The following KATNAL1 variants were observed in gnomAD, a reference collection of about 807,000 sequenced individuals.
KATNAL1 encodes katanin p60 ATPase-containing subunit A-like 1.
A neutral mutation model predicts 55.2 loss-of-function variants in KATNAL1; 32 were observed. The ratio of observed to expected loss-of-function variants is 0.58; its 90% CI spans 0.44 to 0.78. The LOEUF is 0.78. Ranked by LOEUF, KATNAL1 falls within the 30% of genes least tolerant of loss-of-function variation. The pLI is 0.00. For missense variants in KATNAL1, 466 were observed against 600.9 expected (o/e 0.78, Z 2.35); for synonymous variants, 193 against 193.6 (o/e 1.00, Z 0.02).
At chr13:30,262,939 T>A (rs1879431113) in intron 3 of KATNAL1, among the ~76,000 whole-genome samples, 2 of 152,164 alleles carry the variant, frequency 1.3e-5, no homozygotes, top group African/African-American at 4.8e-5. Context: ...CAGACCAATA[T>A]CCTTGATGAA....
At position 30,255,620 on chromosome 13, in the gene KATNAL1, C is replaced by CAAAAA. The variant is rs11348486; in HGVS notation, c.324-10_324-6dup. The CAAAAA allele has an allele frequency of 1.6e-5, 17 of 1,084,010 alleles. No individual in the cohort carries two copies. The highest frequency in any genetic ancestry group is 7.8e-5 in the African/African-American group (4 of 50,982). 67.1% of individuals were successfully genotyped at this position (1,084,010 alleles called of 1,614,324 possible). A position where few individuals can be genotyped will look rare whatever the true frequency, so the allele number is the denominator to read the frequency against. On this transcript the variant is annotated splice_polypyrimidine_tract_variant and splice_region_variant and intron_variant, in intron 3 of 10. Coordinates refer to ENST00000380615, the MANE Select transcript of KATNAL1 (RefSeq NM_032116.5). ...CGCCTGATCTGAGGTGGAGCTCTGA[C>CAAAAA]AAAAAAAAAAAAAAAAAAATTAAAA...
At chr13:30,267,536 TGAA>T (rs773094565) in intron 3 of KATNAL1, among the ~76,000 whole-genome samples, 5 of 152,214 alleles carry the variant, frequency 3.3e-5, no homozygotes, top group Admixed American at 6.5e-5. Context: ...AAAGCCTTGC[TGAA>T]GAAGAGTCCT....
intron 3 of KATNAL1, among the ~76,000 whole-genome samples, chr13:30,278,646 T>C (rs951589354): frequency 3.3e-5 from 5 of 152,238 alleles, no homozygotes; most frequent in African/African-American, 1.2e-4. Flanking sequence ...GATAGTCCTA[T>C]ATTTGAAGTT....
chr13:30,274,251 A>G (rs552583067), intron 3 of KATNAL1, among the ~76,000 whole-genome samples: 2 of 152,336 alleles, frequency 1.3e-5, no homozygotes, highest in South Asian at 2.1e-4. Context: ...TATGAATGAT[A>G]GTTTATTCTC....
intron 1 of KATNAL1, among the ~76,000 whole-genome samples, chr13:30,289,175 C>T (rs957756201): frequency 6.6e-6 from 1 of 152,206 alleles, no homozygotes; most frequent in African/African-American, 2.4e-5. Flanking sequence ...TCAAACTCAG[C>T]CTTGACTTTT....
chr13:30,279,117 T>A (rs1410618591), intron 3 of KATNAL1, among the ~76,000 whole-genome samples: 2 of 152,192 alleles, frequency 1.3e-5, no homozygotes, highest in African/African-American at 4.8e-5. Context: ...CTGGCCATAA[T>A]AAAGCAGACA....
intron 8 of KATNAL1, among the ~76,000 whole-genome samples, chr13:30,229,816 A>T (rs2137393471): frequency 6.6e-6 from 1 of 152,266 alleles, no homozygotes; most frequent in African/African-American, 2.4e-5. Flanking sequence ...TGCATGGGTA[A>T]ATTGTATGGA....
At chr13:30,290,503 T>C (rs1381684103) in intron 1 of KATNAL1, among the ~76,000 whole-genome samples, 1 of 152,216 alleles carries the variant, frequency 6.6e-6, no homozygotes, top group African/African-American at 2.4e-5. Context: ...CTTTATCAAT[T>C]AATGAAATTG....
intron 4 of KATNAL1, among the ~76,000 whole-genome samples, chr13:30,254,677 G>A (rs1489199641): frequency 6.6e-6 from 1 of 152,160 alleles, no homozygotes. Flanking sequence ...GACAGATCCT[G>A]AATCTCTAAC....
At chr13:30,247,201 G>A (rs1227907360) in intron 4 of KATNAL1, among the ~76,000 whole-genome samples, 2 of 151,936 alleles carry the variant, frequency 1.3e-5, no homozygotes, top group East Asian at 3.9e-4. Context: ...CACACCCCTG[G>A]GCTACTCTTA....
chr13:30,250,508 A>C (rs931227044), intron 4 of KATNAL1, among the ~76,000 whole-genome samples: 9 of 152,212 alleles, frequency 5.9e-5, no homozygotes, highest in African/African-American at 2.2e-4. Flanking sequence ...CAATTTGTGC[A>C]CTTTTCTTCA....
At chr13:30,289,521 T>C (rs923764597) in intron 1 of KATNAL1, among the ~76,000 whole-genome samples, 3 of 152,220 alleles carry the variant, frequency 2.0e-5, no homozygotes, top group African/African-American at 7.2e-5. Flanking sequence ...CCTTTTTATG[T>C]TTTCTCATTT....
At chr13:30,237,522 G>A (rs1016689990) in intron 6 of KATNAL1, among the ~76,000 whole-genome samples, 1 of 152,100 alleles carries the variant, frequency 6.6e-6, no homozygotes, top group Non-Finnish European at 1.5e-5. Flanking sequence ...AATTTTAAAT[G>A]TTGCCTTTAT....
intron 3 of KATNAL1, among the ~76,000 whole-genome samples, chr13:30,264,129 G>C (rs930125852): frequency 0.021 from 3,217 of 151,516 alleles, 47 homozygotes; most frequent in Non-Finnish European, 0.033. Flanking sequence ...ATGGGGAAAG[G>C]ATTCCCTATT....
chr13:30,248,113 G>T (rs1877961327), intron 4 of KATNAL1, among the ~76,000 whole-genome samples: 1 of 152,150 alleles, frequency 6.6e-6, no homozygotes, highest in East Asian at 1.9e-4. Context: ...ACTCTCACTT[G>T]GCAAGGCTGA....
intron 1 of KATNAL1, among the ~76,000 whole-genome samples, chr13:30,288,110 C>T (rs907817950): frequency 2.0e-5 from 3 of 152,168 alleles, no homozygotes; most frequent in Admixed American, 1.3e-4. Context: ...CAAAATCAAT[C>T]ACAAATGTTC....
chr13:30,281,625 A>G (rs1229538826), intron 2 of KATNAL1: 1 of 152,232 alleles, frequency 6.6e-6, no homozygotes, highest in Non-Finnish European at 1.5e-5. Flanking sequence ...AAAACTTAGG[A>G]AAACATCAAT....
intron 4 of KATNAL1, among the ~76,000 whole-genome samples, chr13:30,254,827 C>T (rs1878642482): frequency 3.3e-5 from 5 of 152,140 alleles, no homozygotes; most frequent in South Asian, 2.1e-4. Flanking sequence ...ATCAGATCAT[C>T]CTGGCTACCT....
intron 9 of KATNAL1, among the ~76,000 whole-genome samples, chr13:30,216,287 C>T (rs1010657805): frequency 6.6e-6 from 1 of 152,130 alleles, no homozygotes; most frequent in African/African-American, 2.4e-5. Context: ...TGGTGACCCC[C>T]AGCAGAGGGC....
Sources: gnomAD v4.1 joint callset for allele counts (sites outside exome capture counted in the v4.1 genomes callset) on GRCh38, gnomAD v4.1.1 for gene constraint, MANE v1.5 for transcripts, NCBI Gene and HGNC (gene_info 2026-07-23, HGNC 2026-07-21) for gene names.